The following CAMLG variants were observed in gnomAD, a reference collection of about 807,000 sequenced individuals.
The protein encoded by CAMLG is guided entry of tail-anchored proteins factor CAMLG.
In CAMLG, 23 loss-of-function variants were observed where a neutral mutation model predicts 28.9. The observed-to-expected ratio is 0.80, with a 90% CI of 0.57 to 1.13. The LOEUF (loss-of-function observed/expected upper bound fraction) is 1.13. Among genes scored for constraint, CAMLG ranks in the 50% most tolerant of loss-of-function variants. The pLI is 0.00. For synonymous variants in CAMLG, 141 were observed against 146.5 expected (o/e 0.96, Z 0.27); for missense variants, 367 against 371.9 (o/e 0.99, Z 0.11).
chr5:134,748,513 G>A (rs1015386874), intron 3 of CAMLG, among the ~76,000 whole-genome samples: 1 of 152,128 alleles, frequency 6.6e-6, no homozygotes, highest in Admixed American at 6.6e-5. Flanking sequence ...ACTCCAGCCT[G>A]GTCGACAGAG....
Position 134,741,242 on chromosome 5 carries a change from A to T in CAMLG, c.352A>T (p.Ile118Phe). The T allele has an allele frequency of 6.2e-7, 1 of 1,614,234 alleles. No homozygotes were observed. The highest frequency in any genetic ancestry group is 8.5e-7 in the Non-Finnish European group (1 of 1,180,038). Residue 118 changes from isoleucine (I) to phenylalanine (F), a missense_variant, in exon 2 of 4, where the codon ATT (isoleucine) becomes TTT (phenylalanine). Ile to Phe is a conservative substitution (Grantham distance 21, BLOSUM62 0). Transcript: ENST00000297156. ...ACTGGGAGACAAATTGGACTCGTTC[A>T]TTAAACCACCTGAGTGCAGTAGTGA... The part of the protein sequence containing the change: ...TQLGDKLDSF[I>F]KPPECSSDVN...
chr5:134,748,083 T>C (rs1387679920), intron 3 of CAMLG, among the ~76,000 whole-genome samples: 2 of 150,814 alleles, frequency 1.3e-5, no homozygotes, highest in Non-Finnish European at 3.0e-5. Flanking sequence ...AAGACAGCCT[T>C]GATCTCCTGA....
chr5:134,741,576 T>C, intron 2 of CAMLG, 53 bp downstream of exon 2: 1 of 1,145,564 alleles, frequency 8.7e-7, no homozygotes, highest in Non-Finnish European at 1.3e-6. Flanking sequence ...TGCAAAATGT[T>C]AATAATTATG....
intron 1 of CAMLG, among the ~76,000 whole-genome samples, chr5:134,739,129 G>C (rs1047114074): frequency 2.0e-5 from 3 of 152,144 alleles, no homozygotes; most frequent in Non-Finnish European, 2.9e-5. Flanking sequence ...TCCCCAGACT[G>C]TCATGTCTAC....
chr5:134,750,493 G>A (rs575477494), intron 3 of CAMLG, among the ~76,000 whole-genome samples: 14 of 151,730 alleles, frequency 9.2e-5, no homozygotes, highest in Admixed American at 6.6e-4. Context: ...AGCCGAGATC[G>A]TGCCATTGCA....
Position 134,751,873 on chromosome 5 carries a change from G to A in CAMLG, c.*923G>A, listed in dbSNP as rs889331834. 1 of 152,144 alleles carries A rather than the reference G, an allele frequency of 6.6e-6. No individual in the cohort carries two copies. Among genetic ancestry groups the A allele is most frequent in the African/African-American group, 2.4e-5 (1 of 41,422 alleles). The allele number at this position is 152,144 out of a possible 1,614,324, so 9.4% of individuals were successfully genotyped here. The stretch of plus-strand genomic sequence containing the variant: ...TTTTTATATTCTTTAGTAAAGACAG[G>A]GTTTCTCCATGTTGGTCAGGCTGGT... On this transcript the variant is annotated 3_prime_UTR_variant, in exon 4 of 4. Coordinates refer to ENST00000297156, the MANE Select transcript of CAMLG (RefSeq NM_001745.4).
chr5:134,746,242 A>AG (rs148392582), intron 3 of CAMLG, among the ~76,000 whole-genome samples: 18,993 of 152,000 alleles, frequency 0.12, 1,554 homozygotes, highest in South Asian at 0.36. Context: ...AGAAAAAAAA[A>AG]CAAAATTCAG....
chr5:134,742,918 T>G (rs913271752), intron 2 of CAMLG, among the ~76,000 whole-genome samples: 1 of 152,120 alleles, frequency 6.6e-6, no homozygotes, highest in Non-Finnish European at 1.5e-5. Context: ...TTTTGTATTT[T>G]TAGTAGAGAT....
Position 134,750,806 on chromosome 5 carries a change from G to A in CAMLG, c.747G>A (p.Leu249=), listed in dbSNP as rs1753104275. The change falls in exon 4 of 4, where the codon TTG becomes TTA. Residue 249 remains leucine (L), a synonymous_variant. Coordinates refer to ENST00000297156, the MANE Select transcript of CAMLG (RefSeq NM_001745.4). ...CAGTACTAACAGCTGCACTTCTATT[G>A]TCGGGAATTCCTGCCGAAGTGATAA... ...KTTVLTAALL[L]SGIPAEVINR... is the part of the protein sequence containing the mutation. The A allele has an allele frequency of 6.2e-7, 1 of 1,613,878 alleles. No homozygotes were observed. The highest frequency in any genetic ancestry group is 8.5e-7 in the Non-Finnish European group (1 of 1,179,900).
rs1178860056 is a variant in CAMLG at position 134,752,035 on chromosome 5, T to C, written c.*1085T>C. ...AACTGCCATATTTTGTTGGGTTGTC[T>C]TCTTAAAAGAATATAAGACTAAAGT... On this transcript the variant is annotated 3_prime_UTR_variant, in exon 4 of 4. Coordinates refer to ENST00000297156, the MANE Select transcript of CAMLG (RefSeq NM_001745.4). The C allele has an allele frequency of 6.6e-6, 1 of 152,208 alleles. No individual in the cohort carries two copies. 9.4% of individuals were successfully genotyped at this position (152,208 alleles called of 1,614,324 possible).
intron 1 of CAMLG, among the ~76,000 whole-genome samples, chr5:134,739,499 G>T (rs1037973431): frequency 6.6e-6 from 1 of 152,152 alleles, no homozygotes; most frequent in Non-Finnish European, 1.5e-5. Flanking sequence ...GCATTTCTAA[G>T]GAGAGCGCCT....
In CAMLG at chr5:134,738,653, G is replaced by A. The variant is rs141336392; in HGVS notation, c.33G>A (p.Gly11=). The part of the protein sequence containing the change: MESMAVATDG[G]ERPGVPAGSG... ...CGATGGCCGTCGCTACCGACGGCGG[G>A]GAGAGGCCGGGGGTCCCAGCGGGCT... Residue 11 remains glycine (G), a synonymous_variant, in exon 1 of 4, where the codon GGG becomes GGA. Transcript: ENST00000297156. 5.0e-6 allele frequency: 8 copies of A among 1,612,784 alleles called. No homozygotes were observed. Among genetic ancestry groups the A allele is most frequent in the African/African-American group, 1.3e-5 (1 of 74,916 alleles).
Position 134,750,945 on chromosome 5 carries a change from C to T in CAMLG, c.886C>T (p.Pro296Ser). The T allele has an allele frequency of 6.2e-7, 1 of 1,608,832 alleles. No homozygotes were observed. The highest frequency in any genetic ancestry group is 8.5e-7 in the Non-Finnish European group (1 of 1,176,984). ...ELLDYWGSEV[P>S] ...GCTTGATTATTGGGGCTCTGAAGTA[C>T]CATGAAGCCTGTAGAACTGAGAAGG... Residue 296 changes from proline to serine, a missense_variant, in exon 4 of 4, where the codon CCA becomes TCA. Transcript: ENST00000297156.
Position 134,741,450 on chromosome 5 carries a change from C to A in CAMLG, c.560C>A (p.Ser187Tyr). The change falls in exon 2 of 4, where the codon TCT becomes TAT. Residue 187 changes from serine to tyrosine, a missense_variant. Ser to Tyr is a moderately radical substitution (Grantham distance 144). Transcript: ENST00000297156. Reference sequence around the variant, plus strand: ...GGAAATACAACAGAAGAATTTGACTCTTTTCGAATATTTAGATTGGTGGGA... The same window carrying A: ...GGAAATACAACAGAAGAATTTGACTATTTTCGAATATTTAGATTGGTGGGA... Reference protein sequence around the residue: ...EDGNTTEEFDSFRIFRLVGCA... With the variant: ...EDGNTTEEFDYFRIFRLVGCA... 1.9e-6 allele frequency: 3 copies of A among 1,614,026 alleles called. No homozygotes were observed. The highest frequency in any genetic ancestry group is 1.3e-5 in the African/African-American group (1 of 75,050).
At chr5:134,739,358 C>T (rs1247452342) in intron 1 of CAMLG, among the ~76,000 whole-genome samples, 1 of 152,156 alleles carries the variant, frequency 6.6e-6, no homozygotes, top group African/African-American at 2.4e-5. Context: ...AACACTGTCA[C>T]CTACGGGCCG....
Position 134,750,973 on chromosome 5 carries a change from A to T in CAMLG, c.*23A>T. On this transcript the variant is annotated 3_prime_UTR_variant, in exon 4 of 4. Coordinates refer to ENST00000297156, the MANE Select transcript of CAMLG (RefSeq NM_001745.4). ...TGAAGCCTGTAGAACTGAGAAGGAG[A>T]AGCTTACAAAAAAAAAAAAATCCTC... is the stretch of plus-strand genomic sequence containing the variant. 1 of 1,555,222 alleles carries T rather than the reference A, an allele frequency of 6.4e-7. No homozygotes were observed. The highest frequency in any genetic ancestry group is 2.2e-5 in the East Asian group (1 of 44,478).
chr5:134,746,843 T>G (rs1012310608), intron 3 of CAMLG, among the ~76,000 whole-genome samples: 9 of 151,200 alleles, frequency 6.0e-5, no homozygotes, highest in African/African-American at 2.2e-4. Flanking sequence ...ATCCCAGCAC[T>G]TTGGAAGGCC....
At position 134,738,561 on chromosome 5, in the gene CAMLG, C is replaced by T. The variant is rs1011191683; in HGVS notation, c.-60C>T. 5.7e-6 allele frequency: 8 copies of T among 1,410,660 alleles called. No individual in the cohort carries two copies. Among genetic ancestry groups the T allele is most frequent in the East Asian group, 2.4e-5 (1 of 40,990 alleles). The allele number at this position is 1,410,660 out of a possible 1,614,324, so 87.4% of individuals were successfully genotyped here. On this transcript the variant is annotated 5_prime_UTR_variant, in exon 1 of 4. Transcript: ENST00000297156. ...CTGCGGCCCGGCCTCTAGTCATCGC[C>T]CTCGCAGCGGCGGCCAACATCACCG...
intron 2 of CAMLG, 128 bp from the exon 3 acceptor site, chr5:134,743,859 C>T (rs1418449649): frequency 1.4e-5 from 8 of 570,194 alleles, no homozygotes; most frequent in Non-Finnish European, 2.2e-5. Context: ...AGGAAGACTC[C>T]GTCTCAAAAA....
Sources: gnomAD v4.1 joint callset for allele counts (sites outside exome capture counted in the v4.1 genomes callset) on GRCh38, gnomAD v4.1.1 for gene constraint, MANE v1.5 for transcripts, NCBI Gene and HGNC (gene_info 2026-07-23, HGNC 2026-07-21) for gene names.